The following DIP2B variants were observed in gnomAD, a reference collection of about 807,000 sequenced individuals.
DIP2B encodes DIP2 acetate--CoA ligase B (putative).
Under a neutral mutation model 198.0 loss-of-function variants are expected in DIP2B, and 76 were observed. The observed-to-expected ratio is 0.38, with a 90% CI of 0.32 to 0.46. DIP2B has a LOEUF of 0.46. DIP2B is among the 20% of genes least tolerant of loss of function. The pLI, the probability that DIP2B is intolerant of heterozygous loss-of-function variation, is 0.99. For synonymous variants in DIP2B, 701 were observed against 739.1 expected, an observed-to-expected ratio of 0.95 and a Z score of 0.84; for missense variants, 1,559 against 1,978.4, an observed-to-expected ratio of 0.79 and a Z score of 4.02.
intron 34 of DIP2B, among the ~76,000 whole-genome samples, chr12:50,735,455 GTTTTTTT>G (rs61162921): frequency 0.28 from 40,891 of 148,340 alleles, 6,238 homozygotes; most frequent in Non-Finnish European, 0.35. Flanking sequence ...GGTTTTTTTT[GTTTTTTT>G]GTTTTTTGTT....
At chr12:50,609,653 C>T (rs945746312) in intron 1 of DIP2B, among the ~76,000 whole-genome samples, 3 of 152,162 alleles carry the variant, frequency 2.0e-5, no homozygotes, top group African/African-American at 7.2e-5. Flanking sequence ...ATTGGCCAGA[C>T]CTTAGTAATT....
In DIP2B at chr12:50,728,723, T is replaced by C. The variant is rs747872778; in HGVS notation, c.3641+45T>C. The C allele has an allele frequency of 3.8e-6, 6 of 1,593,642 alleles. No homozygotes were observed. The African/African-American group carries it at 8.0e-5, about 21-fold the overall frequency. On this transcript the variant is annotated intron_variant, in intron 30 of 37. Coordinates refer to ENST00000301180, the MANE Select transcript of DIP2B (RefSeq NM_173602.3). ...GGAGACAGAATGTGTGGGGGTATAC[T>C]TTGTGGCCATGGCCATCTCATCCTT... is the stretch of plus-strand genomic sequence containing the variant.
chr12:50,551,610 G>A (rs1460785937), intron 1 of DIP2B, among the ~76,000 whole-genome samples: 1 of 151,906 alleles, frequency 6.6e-6, no homozygotes, highest in East Asian at 1.9e-4. Flanking sequence ...CGCCCAGCTA[G>A]TTTTTGAATA....
intron 4 of DIP2B, among the ~76,000 whole-genome samples, chr12:50,660,736 A>G (rs992470244): frequency 2.6e-5 from 4 of 152,210 alleles, no homozygotes; most frequent in African/African-American, 9.6e-5. Context: ...TGCAGCAGGC[A>G]TGAGAATTGT....
At chr12:50,511,946 C>CA (rs1294473966) in intron 1 of DIP2B, among the ~76,000 whole-genome samples, 9,836 of 26,364 alleles carry the variant, frequency 0.37, 2,524 homozygotes, top group Non-Finnish European at 0.5. Flanking sequence ...GACTCCGTCT[C>CA]AAAAAAAAAA....
chr12:50,720,634 C>T (rs1592142267), intron 25 of DIP2B, among the ~76,000 whole-genome samples: 1 of 152,000 alleles, frequency 6.6e-6, no homozygotes, highest in Non-Finnish European at 1.5e-5. Flanking sequence ...TTAAAAATGT[C>T]AGCCAGGCAC....
intron 4 of DIP2B, among the ~76,000 whole-genome samples, chr12:50,667,412 G>T (rs958503765): frequency 4.6e-5 from 7 of 152,144 alleles, no homozygotes; most frequent in African/African-American, 1.7e-4. Flanking sequence ...GTAGGGAAAT[G>T]ATAAATTTCT....
At chr12:50,694,647 CCTGT>C (rs1188066809) in intron 14 of DIP2B, among the ~76,000 whole-genome samples, 3 of 127,296 alleles carry the variant, frequency 2.4e-5, no homozygotes, top group African/African-American at 8.6e-5. Flanking sequence ...TAGTGAAACC[CCTGT>C]CTCTTTTTTT....
chr12:50,578,872 T>C (rs1194303555), intron 1 of DIP2B, among the ~76,000 whole-genome samples: 1 of 152,150 alleles, frequency 6.6e-6, no homozygotes, highest in East Asian at 1.9e-4. Context: ...GTGCGGAAAA[T>C]TTTATTTATT....
chr12:50,675,203 A>G, intron 6 of DIP2B, 126 bp from the exon 7 acceptor site: 1 of 1,189,396 alleles, frequency 8.4e-7, no homozygotes, highest in South Asian at 1.7e-5. Context: ...TATTTGGTCC[A>G]CTTGAAAGAG....
intron 29 of DIP2B, 72 bp downstream of exon 29, chr12:50,727,884 T>C (rs946731250): frequency 1.4e-5 from 19 of 1,318,810 alleles, no homozygotes; most frequent in Non-Finnish European, 2.0e-5. Flanking sequence ...AAACTATAGA[T>C]GCAGAGGCCA....
chr12:50,721,305 G>A lies in DIP2B; in HGVS notation c.3075G>A (p.Gln1025=), dbSNP rs1173849465. The part of the protein sequence containing the change: ...GTTVCTASCL[Q]LHKRAERIAS... ...CTGTATGCACAGCCAGCTGCCTTCAGCTTCATAAGCGAGCAGAGAGGATTG... is the reference window on the plus strand; with the variant it reads ...CTGTATGCACAGCCAGCTGCCTTCAACTTCATAAGCGAGCAGAGAGGATTG... Residue 1025 remains glutamine (Q), a synonymous_variant, in exon 26 of 38, where the codon CAG becomes CAA. Transcript: ENST00000301180. 5.0e-6 allele frequency: 8 copies of A among 1,614,136 alleles called. No individual in the cohort carries two copies. Among genetic ancestry groups the A allele is most frequent in the South Asian group, 1.1e-5 (1 of 91,072 alleles).
intron 1 of DIP2B, among the ~76,000 whole-genome samples, chr12:50,622,070 C>T (rs1467133667): frequency 6.6e-6 from 1 of 152,166 alleles, no homozygotes; most frequent in African/African-American, 2.4e-5. Flanking sequence ...TGTCACTCTG[C>T]CAGATGTGTT....
intron 1 of DIP2B, among the ~76,000 whole-genome samples, chr12:50,554,856 C>T (rs989220885): frequency 6.6e-6 from 1 of 151,890 alleles, no homozygotes; most frequent in African/African-American, 2.4e-5. Flanking sequence ...CAACCTCTGC[C>T]TCCCAGGTTC....
intron 1 of DIP2B, among the ~76,000 whole-genome samples, chr12:50,610,009 G>A (rs925650774): frequency 2.0e-5 from 3 of 152,088 alleles, no homozygotes; most frequent in Non-Finnish European, 2.9e-5. Flanking sequence ...TTTAATGCAG[G>A]AATTTTAATA....
At chr12:50,691,023 C>T (rs1332115964) in intron 12 of DIP2B, 26 bp from the exon 13 acceptor site, 1 of 1,596,228 alleles carries the variant, frequency 6.3e-7, no homozygotes, top group Admixed American at 1.7e-5. Flanking sequence ...TATTGTGTTT[C>T]TTATGTTTCT....
rs1485174732 is a variant in DIP2B at position 50,569,743 on chromosome 12, T to G, written c.101-56233T>G. Among the ~76,000 whole-genome samples, 4 of 152,364 alleles carry G rather than the reference T, an allele frequency of 2.6e-5. No individual in the cohort carries two copies. The East Asian group carries it at 5.8e-4, about 22-fold the overall frequency. On this transcript the variant is annotated intron_variant, in intron 1 of 37. Transcript: ENST00000301180. ...ACCTTTAAATAAACTATAATGATTATCTTAAGAGTTATTATATAAATATCA... is the reference window on the plus strand; with the variant it reads ...ACCTTTAAATAAACTATAATGATTAGCTTAAGAGTTATTATATAAATATCA...
intron 1 of DIP2B, among the ~76,000 whole-genome samples, chr12:50,532,236 C>T (rs566983366): frequency 5.9e-5 from 9 of 152,152 alleles, no homozygotes; most frequent in South Asian, 4.2e-4. Flanking sequence ...GAGTGTTGGC[C>T]GGGTGCGGTG....
intron 1 of DIP2B, among the ~76,000 whole-genome samples, chr12:50,576,074 C>CT (rs796750417): frequency 0.01 from 1,428 of 141,070 alleles, 81 homozygotes; most frequent in Admixed American, 0.089. Context: ...TTTTTTTTCA[C>CT]TTTTTTTTTT....
Sources: gnomAD v4.1 joint callset for allele counts (sites outside exome capture counted in the v4.1 genomes callset) on GRCh38, gnomAD v4.1.1 for gene constraint, MANE v1.5 for transcripts, NCBI Gene and HGNC (gene_info 2026-07-23, HGNC 2026-07-21) for gene names.